The following KCNT2 variants were observed in gnomAD, a reference collection of about 807,000 sequenced individuals.
KCNT2 encodes the protein potassium sodium-activated channel subfamily T member 2.
A neutral mutation model predicts 153.8 loss-of-function variants in KCNT2; 67 were observed. The observed-to-expected ratio is 0.44, with a 90% CI of 0.36 to 0.53. KCNT2 has a LOEUF of 0.53. KCNT2 is among the 20% of genes least tolerant of loss of function. The probability of loss-of-function intolerance (pLI) is 0.00; values close to 1 mark genes in which losing one functional copy is unlikely to be tolerated. For synonymous variants in KCNT2, 500 were observed against 458.8 expected, an observed-to-expected ratio of 1.09 and a Z score of -1.15; for missense variants, 975 against 1,354.8, an observed-to-expected ratio of 0.72 and a Z score of 4.40.
intron 1 of KCNT2, among the ~76,000 whole-genome samples, chr1:196,595,521 C>T (rs200569711): frequency 1.8e-4 from 28 of 152,174 alleles, no homozygotes; most frequent in East Asian, 7.8e-4. Flanking sequence ...TCCACAAATG[C>T]TCAAGTCTCT....
chr1:196,450,895 A>C (rs1463079224), intron 8 of KCNT2, among the ~76,000 whole-genome samples: 1 of 151,896 alleles, frequency 6.6e-6, no homozygotes, highest in Admixed American at 6.6e-5. Context: ...CTTTAACTAG[A>C]CATATGCATG....
intron 8 of KCNT2, among the ~76,000 whole-genome samples, chr1:196,463,715 A>G (rs1677359534): frequency 6.6e-6 from 1 of 151,802 alleles, no homozygotes; most frequent in Non-Finnish European, 1.5e-5. Flanking sequence ...TCATATAAAT[A>G]ATGAATAACC....
intron 11 of KCNT2, among the ~76,000 whole-genome samples, chr1:196,423,654 G>A (rs1472909582): frequency 6.7e-6 from 1 of 150,278 alleles, no homozygotes; most frequent in Non-Finnish European, 1.5e-5. Flanking sequence ...GATACATGAT[G>A]TTCTAAGAGC....
chr1:196,232,293 T>C (rs1654023766), intron 27 of KCNT2, among the ~76,000 whole-genome samples: 1 of 151,776 alleles, frequency 6.6e-6, no homozygotes, highest in African/African-American at 2.4e-5. Flanking sequence ...ATCAAATTAA[T>C]GTTGCTTCTT....
chr1:196,581,835 G>T (rs1662089815), intron 1 of KCNT2, among the ~76,000 whole-genome samples: 1 of 151,786 alleles, frequency 6.6e-6, no homozygotes, highest in African/African-American at 2.4e-5. Context: ...CTTTCATTTT[G>T]TTGTTCTCCT....
intron 15 of KCNT2, among the ~76,000 whole-genome samples, chr1:196,341,442 G>A (rs189341273): frequency 1.3e-5 from 2 of 152,058 alleles, no homozygotes; most frequent in East Asian, 3.9e-4. Context: ...AGCATCATAA[G>A]TTGGGGGTTC....
At chr1:196,384,762 G>A (rs933091653) in intron 13 of KCNT2, among the ~76,000 whole-genome samples, 2 of 149,792 alleles carry the variant, frequency 1.3e-5, no homozygotes, top group Non-Finnish European at 3.0e-5. Flanking sequence ...CCATTACTCT[G>A]GACAAAATTA....
chr1:196,313,690 A>G (rs143118074), intron 21 of KCNT2, among the ~76,000 whole-genome samples: 2,146 of 151,736 alleles, frequency 0.014, 41 homozygotes, highest in African/African-American at 0.05. Flanking sequence ...AAAGTTTCAT[A>G]TAATTTTTTC....
intron 8 of KCNT2, among the ~76,000 whole-genome samples, chr1:196,444,081 G>T (rs546615526): frequency 6.6e-6 from 1 of 151,422 alleles, no homozygotes; most frequent in South Asian, 2.1e-4. Context: ...GAAGAAATGA[G>T]CTTGCAAAAA....
intron 1 of KCNT2, among the ~76,000 whole-genome samples, chr1:196,532,226 G>C (rs1048153363): frequency 1.3e-5 from 2 of 152,002 alleles, no homozygotes; most frequent in Non-Finnish European, 2.9e-5. Flanking sequence ...AGTACATGCT[G>C]CCAGGAACAA....
intron 10 of KCNT2, among the ~76,000 whole-genome samples, chr1:196,426,799 G>A (rs1473195287): frequency 6.6e-6 from 1 of 151,756 alleles, no homozygotes; most frequent in African/African-American, 2.4e-5. Flanking sequence ...GGGGCCTGAT[G>A]GGAGATGACT....
rs1558045396 is a variant in KCNT2, at chr1:196,227,427, T to A, written c.*797A>T. The A allele has an allele frequency of 6.6e-6, 1 of 152,038 alleles. No homozygotes were observed. The allele number at this position is 152,038 out of a possible 1,614,324, so 9.4% of individuals were successfully genotyped here. A position where few individuals can be genotyped will look rare whatever the true frequency, so the allele number is the denominator to read the frequency against. On this transcript the variant is annotated 3_prime_UTR_variant, in exon 28 of 28. Transcript: ENST00000294725. ...AATTTTTCAATCCTTGAATTAAATT[T>A]AAGTCAACAAATGTGTATTAAGTAT...
chr1:196,557,033 C>T (rs1658765534), intron 1 of KCNT2, among the ~76,000 whole-genome samples: 2 of 150,738 alleles, frequency 1.3e-5, no homozygotes, highest in Admixed American at 6.7e-5. Flanking sequence ...TTAATAAATA[C>T]AAAAAATATA....
At chr1:196,302,608 A>C (rs1338619958) in intron 22 of KCNT2, among the ~76,000 whole-genome samples, 2 of 152,174 alleles carry the variant, frequency 1.3e-5, no homozygotes, top group East Asian at 3.9e-4. Flanking sequence ...CTGTATATCT[A>C]AATTCACCCT....
At chr1:196,562,264 T>C (rs1659511773) in intron 1 of KCNT2, among the ~76,000 whole-genome samples, 2 of 151,982 alleles carry the variant, frequency 1.3e-5, no homozygotes, top group Admixed American at 1.3e-4. Context: ...CATGACACTA[T>C]ACTAGTGTCA....
chr1:196,423,338 A>G (rs1673373696), intron 11 of KCNT2, among the ~76,000 whole-genome samples: 1 of 151,930 alleles, frequency 6.6e-6, no homozygotes, highest in African/African-American at 2.4e-5. Context: ...TTAATGTTTT[A>G]TGACAAAAGT....
chr1:196,555,832 C>G (rs1174716842), intron 1 of KCNT2, among the ~76,000 whole-genome samples: 1 of 151,132 alleles, frequency 6.6e-6, no homozygotes, highest in African/African-American at 2.4e-5. Flanking sequence ...CAATAAAGAA[C>G]CCAAAAACAA....
intron 17 of KCNT2, among the ~76,000 whole-genome samples, chr1:196,333,064 A>G (rs1316131054): frequency 1.3e-5 from 2 of 151,482 alleles, no homozygotes; most frequent in African/African-American, 2.4e-5. Flanking sequence ...TGCTGGGATT[A>G]CAAGTGTGAG....
chr1:196,347,845 G>C (rs1666271670), intron 14 of KCNT2, among the ~76,000 whole-genome samples: 1 of 152,068 alleles, frequency 6.6e-6, no homozygotes, highest in African/African-American at 2.4e-5. Context: ...ATCCATTCTT[G>C]ACCCTCAGCT....
Sources: gnomAD v4.1 joint callset for allele counts (sites outside exome capture counted in the v4.1 genomes callset) on GRCh38, gnomAD v4.1.1 for gene constraint, MANE v1.5 for transcripts, NCBI Gene and HGNC (gene_info 2026-07-23, HGNC 2026-07-21) for gene names.